Variants in MATR3 observed in about 807,000 individuals in gnomAD.
MATR3 encodes the protein matrin 3.
Under a neutral mutation model 85.5 loss-of-function variants are expected in MATR3, and 4 were observed. The ratio of observed to expected loss-of-function variants is 0.05; its 90% confidence interval spans 0.02 to 0.11. The LOEUF (loss-of-function observed/expected upper bound fraction) is 0.11. Among genes scored for constraint, MATR3 ranks in the 10% least tolerant of loss-of-function variants. MATR3 has a pLI of 1.00. For synonymous variants in MATR3, 336 were observed against 343.1 expected (o/e 0.98, Z 0.23); for missense variants, 685 against 1,016.1 (o/e 0.67, Z 4.43).
intron 1 of MATR3, among the ~76,000 whole-genome samples, chr5:139,296,552 CCT>C (rs752702581): frequency 1.1e-4 from 17 of 152,024 alleles, no homozygotes; most frequent in Non-Finnish European, 1.9e-4. Flanking sequence ...ATATTAGAGT[CCT>C]CTGTATTTTT....
At chr5:139,320,028 G>A (rs1232615887) in intron 9 of MATR3, among the ~76,000 whole-genome samples, 3 of 146,586 alleles carry the variant, frequency 2.0e-5, no homozygotes, top group East Asian at 4.1e-4. Context: ...TATAGAGTTA[G>A]CCAGTCGCAG....
rs558837278 is a variant in MATR3 at position 139,314,609 on chromosome 5, T to C, written c.913-66T>C. The C allele has an allele frequency of 6.1e-6, 8 of 1,316,508 alleles. No homozygotes were observed. The East Asian group carries it at 7.0e-5, about 11-fold the overall frequency. The allele number at this position is 1,316,508 out of a possible 1,614,324, so 81.6% of individuals were successfully genotyped here. On this transcript the variant is annotated intron_variant, in intron 2 of 14. Transcript: ENST00000394805. ...GCATAGACATTAATATCCTAGAGTT[T>C]GAATGGTTCAGATGAAAATATTTCA...
At chr5:139,324,054 A>G (rs926931097) in intron 12 of MATR3, among the ~76,000 whole-genome samples, 3 of 152,194 alleles carry the variant, frequency 2.0e-5, no homozygotes, top group African/African-American at 7.2e-5. Context: ...GCTGATCATT[A>G]TGTTTACATT....
chr5:139,320,841 C>T (rs780106947), intron 9 of MATR3, among the ~76,000 whole-genome samples: 3 of 149,826 alleles, frequency 2.0e-5, no homozygotes, highest in Admixed American at 6.7e-5. Context: ...TCTGCCTCCC[C>T]GGTTCATGGC....
rs73255214 is a variant in MATR3, at chr5:139,288,207, T to G, written c.-178+9078T>G. Among the ~76,000 whole-genome samples, 170 of 151,972 alleles carry G rather than the reference T, an allele frequency of 1.1e-3. 1 individual carries two copies. Among genetic ancestry groups the G allele is most frequent in the African/African-American group, 4.0e-3 (165 of 41,258 alleles). On this transcript the variant is annotated intron_variant, in intron 3 of 16. Coordinates refer to ENST00000509990, the Ensembl canonical transcript of MATR3. ...CCAGCCTGGGAAACACGAGACCCTG[T>G]CTCAAAAAACAAACAAACCAACAAA...
chr5:139,315,040 A>G, intron 3 of MATR3: 1 of 296,800 alleles, frequency 3.4e-6, no homozygotes, highest in Non-Finnish European at 6.5e-6. Flanking sequence ...AGTGGATTAA[A>G]CAGTAGCATT....
rs1387589686 is a variant in MATR3, at chr5:139,330,688, ATGACT to A, written c.*1295_*1299del. On this transcript the variant is annotated 3_prime_UTR_variant, in exon 15 of 15. Coordinates refer to ENST00000394805, the MANE Select transcript of MATR3 (RefSeq NM_018834.6). ...CAGAAGCTTATGTTTAGAGATATTGATGACTTAACAGTACAATTGGAAGTAATACG... is the reference window on the plus strand; with the variant it reads ...CAGAAGCTTATGTTTAGAGATATTGATAACAGTACAATTGGAAGTAATACG... The A allele has an allele frequency of 2.2e-6, 1 of 454,028 alleles. No homozygotes were observed. The highest frequency in any genetic ancestry group is 4.4e-6 in the Non-Finnish European group (1 of 226,788). The allele number at this position is 454,028 out of a possible 1,614,324, so 28.1% of individuals were successfully genotyped here. A position where few individuals can be genotyped will look rare whatever the true frequency, so the allele number is the denominator to read the frequency against.
chr5:139,288,552 G>C (rs1164992953), intron 3 of MATR3, among the ~76,000 whole-genome samples: 1 of 152,158 alleles, frequency 6.6e-6, no homozygotes, highest in African/African-American at 2.4e-5. Flanking sequence ...ATCAGCTTTT[G>C]AGTGGAAGAC....
chr5:139,317,872 G>C (rs1755332305), intron 7 of MATR3, 151 bp downstream of exon 7: 1 of 696,652 alleles, frequency 1.4e-6, no homozygotes, highest in Admixed American at 2.6e-5. Flanking sequence ...GCCAGTAGTT[G>C]ATGAATATAA....
chr5:139,300,601 T>G (rs556302183), intron 1 of MATR3, among the ~76,000 whole-genome samples: 1 of 152,232 alleles, frequency 6.6e-6, no homozygotes, highest in East Asian at 1.9e-4. Context: ...TTATACCAAA[T>G]GAGATGATTA....
At chr5:139,290,221 G>A (rs2151903831), upstream of MATR3, among the ~76,000 whole-genome samples, 1 of 151,740 alleles carries the variant, frequency 6.6e-6, no homozygotes, top group African/African-American at 2.4e-5. Context: ...TGTTGATCAG[G>A]CTGGAGTGCA....
Position 139,315,747 on chromosome 5 carries a change from A to T in MATR3, c.1016+9A>T. 2 of 1,602,972 alleles carry T rather than the reference A, an allele frequency of 1.2e-6. No individual in the cohort carries two copies. The highest frequency in any genetic ancestry group is 1.7e-6 in the Non-Finnish European group (2 of 1,170,594). ...GATACAGGACACACAATGTAAGTTA[A>T]ATTTTTTAAGCTACCATTTGTAAAG... On this transcript the variant is annotated intron_variant, in intron 4 of 14. Coordinates refer to ENST00000394805, the MANE Select transcript of MATR3 (RefSeq NM_018834.6).
intron 2 of MATR3, among the ~76,000 whole-genome samples, chr5:139,276,965 T>C (rs978197629): frequency 6.6e-6 from 1 of 152,100 alleles, no homozygotes; most frequent in Non-Finnish European, 1.5e-5. Flanking sequence ...CACACTAATT[T>C]CTCCTTTGGG....
chr5:139,326,141 G>A (rs765196953), intron 13 of MATR3, 22 bp from the exon 14 acceptor site: 1 of 1,568,912 alleles, frequency 6.4e-7, no homozygotes, highest in South Asian at 1.1e-5. Flanking sequence ...TAATTTGTAA[G>A]AATGTATGTT....
Position 139,275,815 on chromosome 5 carries a change from C to A in MATR3, c.-286-306C>A, listed in dbSNP as rs530875267. On this transcript the variant is annotated intron_variant, in intron 1 of 16. Transcript: ENST00000509990. ...AGAAAGACCCTGTAATATAATACCT[C>A]CATTCTACAAATGAGACTGAGGTAT... is the stretch of plus-strand genomic sequence containing the variant. 2.0e-5 allele frequency among the ~76,000 whole-genome samples: 3 copies of A among 152,284 alleles called. No individual in the cohort carries two copies. In the East Asian group the frequency reaches 5.8e-4, roughly 29 times the overall value.
intron 2 of MATR3, chr5:139,310,321 A>G (rs752308642): frequency 5.3e-5 from 8 of 152,162 alleles, no homozygotes; most frequent in Non-Finnish European, 8.8e-5. Flanking sequence ...TTTGAGAACT[A>G]TTTTAGAGGC....
rs202168403 is a variant in MATR3 at position 139,303,352 on chromosome 5, GGCTTCCCAAAGT to G, written c.-177-3884_-177-3873del. Among the ~76,000 whole-genome samples, 938 of 152,200 alleles carry G rather than the reference GGCTTCCCAAAGT, an allele frequency of 6.2e-3. 9 individuals carry two copies. The highest frequency in any genetic ancestry group is 7.8e-3 in the Admixed American group (119 of 15,284). ...CTTGACCTCGTGATCAACCCACCTCGGCTTCCCAAAGTGCAGGGATTACAGGCGTGAGCCACT... is the reference window on the plus strand; with the variant it reads ...CTTGACCTCGTGATCAACCCACCTCGGCAGGGATTACAGGCGTGAGCCACT... On this transcript the variant is annotated intron_variant, in intron 1 of 14. Coordinates refer to ENST00000394805, the MANE Select transcript of MATR3 (RefSeq NM_018834.6).
chr5:139,297,669 C>T (rs1188459378), intron 1 of MATR3, among the ~76,000 whole-genome samples: 9 of 151,986 alleles, frequency 5.9e-5, no homozygotes, highest in Non-Finnish European at 1.0e-4. Flanking sequence ...GGATGGAGTG[C>T]GGAGTGCCTT....
intron 2 of MATR3, chr5:139,311,610 T>TCTAGCTCCTATGAAATAGAAGCATG (rs2151970380): frequency 6.6e-6 from 1 of 152,258 alleles, no homozygotes; most frequent in South Asian, 2.1e-4. Flanking sequence ...ATGTACCCTT[T>TCTAGCTCCTATGAAATAGAAGCATG]CTAGCTCCTA....
Sources: allele counts gnomAD v4.1 joint callset (sites outside exome capture counted in the v4.1 genomes callset), GRCh38; gene constraint gnomAD v4.1.1; transcripts MANE v1.5; gene names NCBI Gene and HGNC (gene_info 2026-07-23, HGNC 2026-07-21).